The following LRCH3 variants were observed in gnomAD, a reference collection of about 807,000 sequenced individuals.
The protein encoded by LRCH3 is leucine rich repeats and calponin homology domain containing 3.
In LRCH3, 68 loss-of-function variants were observed where a neutral mutation model predicts 104.5. That is an observed-to-expected ratio of 0.65 (90% CI 0.54 to 0.80). LRCH3 has a LOEUF of 0.80. Among genes scored for constraint, LRCH3 ranks in the 30% least tolerant of loss-of-function variants. LRCH3 has a pLI of 0.00. For missense variants in LRCH3, 951 were observed against 953.9 expected, an observed-to-expected ratio of 1.00 and a Z score of 0.04; for synonymous variants, 344 against 361.3, an observed-to-expected ratio of 0.95 and a Z score of 0.54.
In LRCH3 at chr3:197,830,792, C is replaced by CGGA; in HGVS notation, c.911_912insGAG (p.Arg304_Pro305insSer). ...CAGCCATGAAGAACTGTACTCAAGT[C>CGGA]GCCCTTATGGAGCCCTTGATTCAGG... On this transcript the variant is annotated inframe_insertion, in exon 7 of 21. Coordinates refer to ENST00000425562, the MANE Select transcript of LRCH3 (RefSeq NM_001365715.1). The CGGA allele has an allele frequency of 6.2e-7, 1 of 1,613,826 alleles. No homozygotes were observed. The highest frequency in any genetic ancestry group is 8.5e-7 in the Non-Finnish European group (1 of 1,179,814).
intron 20 of LRCH3, chr3:197,880,705 C>CCGCT: frequency 6.5e-7 from 1 of 1,536,718 alleles, no homozygotes; most frequent in South Asian, 1.2e-5. Flanking sequence ...TGGCTCTTCC[C>CCGCT]CGCTCGCTGA....
chr3:197,824,729 G>A (rs955916453), intron 4 of LRCH3, among the ~76,000 whole-genome samples: 13 of 151,072 alleles, frequency 8.6e-5, no homozygotes, highest in African/African-American at 2.4e-4. Context: ...CCGCCACCAC[G>A]CCTGGCTAAC....
In LRCH3 at chr3:197,883,326, T is replaced by G. The variant is rs1403541407; in HGVS notation, c.2209-215T>G. The G allele has an allele frequency of 3.0e-6, 4 of 1,338,304 alleles. No individual in the cohort carries two copies. Among genetic ancestry groups the G allele is most frequent in the Non-Finnish European group, 3.8e-6 (4 of 1,044,570 alleles). 82.9% of individuals were successfully genotyped at this position (1,338,304 alleles called of 1,614,324 possible). The stretch of plus-strand genomic sequence containing the variant: ...CAATTTTCCAATTTTGAAAATGATC[T>G]GTATGTACTTTTAGTTGTATTAATA... On this transcript the variant is annotated intron_variant, in intron 20 of 20. Coordinates refer to ENST00000425562, the MANE Select transcript of LRCH3 (RefSeq NM_001365715.1). This position sits in a 1 kb window ranked among gnomAD's most constrained non-coding sequence, Gnocchi z 4.2.
Position 197,792,577 on chromosome 3 carries a change from T to TATATATATATATATATATATATA in LRCH3, c.262+1037_262+1038insATATATATATATATATATATATA, listed in dbSNP as rs1730660774. 2.0e-4 allele frequency among the ~76,000 whole-genome samples: 4 copies of TATATATATATATATATATATATA among 20,346 alleles called. 1 individual carries two copies. Among genetic ancestry groups the TATATATATATATATATATATATA allele is most frequent in the African/African-American group, 4.7e-4 (4 of 8,588 alleles). The allele number at this position is 20,346 out of a possible 152,430, so 13.3% of individuals were successfully genotyped here. ...CAGCCGCCACCACGCCCAGCTAATT[T>TATATATATATATATATATATATA]TATATATATATATATATATATATAT... On this transcript the variant is annotated intron_variant, in intron 1 of 20. Transcript: ENST00000425562.
At chr3:197,811,319 A>G (rs1313072873) in intron 1 of LRCH3, among the ~76,000 whole-genome samples, 1 of 151,982 alleles carries the variant, frequency 6.6e-6, no homozygotes, top group Non-Finnish European at 1.5e-5. Flanking sequence ...AGAAATTTTC[A>G]TAGTTTGCAT....
At chr3:197,861,153 A>G (rs1740835993) in intron 15 of LRCH3, among the ~76,000 whole-genome samples, 1 of 152,124 alleles carries the variant, frequency 6.6e-6, no homozygotes, top group South Asian at 2.1e-4. Context: ...CCTCAACTTT[A>G]TAACAACTGT....
chr3:197,812,313 G>C (rs1733215082), intron 1 of LRCH3, among the ~76,000 whole-genome samples: 1 of 152,058 alleles, frequency 6.6e-6, no homozygotes, highest in South Asian at 2.1e-4. Flanking sequence ...CAAACTTCAT[G>C]TTGTACCATG....
intron 1 of LRCH3, among the ~76,000 whole-genome samples, chr3:197,814,537 C>T (rs1049710950): frequency 3.3e-5 from 5 of 152,200 alleles, no homozygotes; most frequent in African/African-American, 4.8e-5. Flanking sequence ...CAGTCTACTG[C>T]AGTCATCTTT....
chr3:197,844,654 T>C (rs966192225), intron 10 of LRCH3, among the ~76,000 whole-genome samples: 2 of 151,640 alleles, frequency 1.3e-5, no homozygotes, highest in East Asian at 1.9e-4. Context: ...AGCCTCACTC[T>C]GTCGCCAGGC....
Position 197,858,912 on chromosome 3 carries a change from CTT to C in LRCH3, c.1716+8_1716+9del. ...TGCCTTCACGCCTCTTAAGGTATCT[CTT>C]GTTATTGTAATTCACCAGGAAGTTT... is the stretch of plus-strand genomic sequence containing the variant. On this transcript the variant is annotated splice_region_variant and intron_variant, in intron 15 of 20. Transcript: ENST00000425562. The C allele has an allele frequency of 6.2e-7, 1 of 1,611,160 alleles. No individual in the cohort carries two copies. Among genetic ancestry groups the C allele is most frequent in the Non-Finnish European group, 8.5e-7 (1 of 1,177,332 alleles).
At chr3:197,857,321 C>T (rs1235487103) in intron 14 of LRCH3, among the ~76,000 whole-genome samples, 4 of 151,968 alleles carry the variant, frequency 2.6e-5, no homozygotes, top group Admixed American at 2.0e-4. Context: ...CTTCGGGCTA[C>T]CCCTCAAGCT....
chr3:197,833,858 G>GTCC (rs1166601783), intron 8 of LRCH3, among the ~76,000 whole-genome samples: 2 of 152,120 alleles, frequency 1.3e-5, no homozygotes, highest in Non-Finnish European at 2.9e-5. Flanking sequence ...TTCAGAAATC[G>GTCC]TCTTAATATA....
rs1560575539 is a variant in LRCH3 at position 197,847,409 on chromosome 3, G to A, written c.1329G>A (p.Arg443=). 1 of 1,591,178 alleles carries A rather than the reference G, an allele frequency of 6.3e-7. No homozygotes were observed. Among genetic ancestry groups the A allele is most frequent in the African/African-American group, 1.4e-5 (1 of 73,324 alleles). The change falls in exon 11 of 21, where the codon AGG becomes AGA. Residue 443 remains arginine (R), a splice_region_variant and synonymous_variant. Transcript: ENST00000425562. ...CTTTCTTTTTTCTTTTTTGGGTCAGGGTTCCAGCTGAGCCATCTTCCCTCC... is the reference window on the plus strand; with the variant it reads ...CTTTCTTTTTTCTTTTTTGGGTCAGAGTTCCAGCTGAGCCATCTTCCCTCC... ...EDMRRYLHQN[R]VPAEPSSLLS...
chr3:197,808,901 G>GAAA (rs34153607), intron 1 of LRCH3, among the ~76,000 whole-genome samples: 8 of 150,732 alleles, frequency 5.3e-5, no homozygotes, highest in Admixed American at 5.3e-4. Context: ...GACTGTCTCA[G>GAAA]AAAAAAAAAG....
At chr3:197,852,761 G>A in intron 13 of LRCH3, 141 bp downstream of exon 13, 2 of 838,094 alleles carry the variant, frequency 2.4e-6, no homozygotes, top group African/African-American at 1.7e-5. Flanking sequence ...TCCTTATGAG[G>A]GAGATGATAC....
At chr3:197,879,913 C>T (rs530801878) in intron 20 of LRCH3, among the ~76,000 whole-genome samples, 4 of 151,220 alleles carry the variant, frequency 2.6e-5, no homozygotes, top group Admixed American at 6.6e-5. Context: ...AGGCCTCACA[C>T]GACCCTAAAC....
chr3:197,820,807 T>A (rs1734407443), intron 4 of LRCH3, among the ~76,000 whole-genome samples: 1 of 151,890 alleles, frequency 6.6e-6, no homozygotes, highest in Non-Finnish European at 1.5e-5. Context: ...AGACCTTTTT[T>A]AAAAAAACGG....
rs987434414 is a variant in LRCH3, at chr3:197,886,093, C to G, written c.*2427C>G. The G allele has an allele frequency of 6.6e-6, 1 of 151,438 alleles. No individual in the cohort carries two copies. Among genetic ancestry groups the G allele is most frequent in the South Asian group, 2.1e-4 (1 of 4,760 alleles). 9.4% of individuals were successfully genotyped at this position (151,438 alleles called of 1,614,324 possible). A position where few individuals can be genotyped will look rare whatever the true frequency, so the allele number is the denominator to read the frequency against. On this transcript the variant is annotated 3_prime_UTR_variant, in exon 21 of 21. Coordinates refer to ENST00000425562, the MANE Select transcript of LRCH3 (RefSeq NM_001365715.1). ...GTGGCTCATGCCTATAATCCCAGCA[C>G]TTTGGGAGGCCGAGGCAAGAGGATC...
At chr3:197,841,424 T>G (rs940464652) in intron 10 of LRCH3, among the ~76,000 whole-genome samples, 8 of 152,236 alleles carry the variant, frequency 5.3e-5, no homozygotes, top group Non-Finnish European at 1.2e-4. Context: ...TTACTTCCCT[T>G]TCTGCCACAT....
Sources: allele counts gnomAD v4.1 joint callset (sites outside exome capture counted in the v4.1 genomes callset), GRCh38; gene constraint gnomAD v4.1.1; non-coding constraint Gnocchi (gnomAD v3.1); transcripts MANE v1.5; gene names NCBI Gene and HGNC (gene_info 2026-07-23, HGNC 2026-07-21).